Variants in MUC22 observed in about 807,000 individuals in gnomAD.
The protein encoded by MUC22 is mucin 22.
Under a neutral mutation model 40.3 loss-of-function variants are expected in MUC22, and 24 were observed. The ratio of observed to expected loss-of-function variants is 0.60; its 90% CI spans 0.43 to 0.84. The LOEUF is 0.84. Ranked by LOEUF, MUC22 falls within the 40% of genes least tolerant of loss-of-function variation. The pLI is 0.00. For missense variants in MUC22, 1,926 were observed against 2,130.7 expected, an observed-to-expected ratio of 0.90 and a Z score of 1.89; for synonymous variants, 765 against 844.5, an observed-to-expected ratio of 0.91 and a Z score of 1.63.
At chr6:31,024,698 G>T (rs1417477760) in intron 1 of MUC22, among the ~76,000 whole-genome samples, 1 of 152,106 alleles carries the variant, frequency 6.6e-6, no homozygotes, top group African/African-American at 2.4e-5. Flanking sequence ...AGAGATTATG[G>T]TTAGAAAAGG....
rs1311118044 is a variant in MUC22, at chr6:31,032,001, T to C, written c.4670-195T>C. ...GTGACACATTCTACCTCCTTCTCTG[T>C]ATGACACCCACCTGCATTCTGGGGA... On this transcript the variant is annotated intron_variant, in intron 2 of 3. Transcript: ENST00000561890. This position sits in a 1 kb window ranked among gnomAD's most constrained non-coding sequence, Gnocchi z 4.1. Among the ~76,000 whole-genome samples the C allele has an allele frequency of 6.6e-6, 1 of 152,156 alleles. No homozygotes were observed. The highest frequency in any genetic ancestry group is 1.5e-5 in the Non-Finnish European group (1 of 68,024).
chr6:31,007,102 C>T (rs1339170316), upstream of MUC22, among the ~76,000 whole-genome samples: 1 of 145,908 alleles, frequency 6.9e-6, no homozygotes, highest in East Asian at 1.9e-4. This position sits in a 1 kb window ranked among gnomAD's most constrained non-coding sequence, Gnocchi z 4.0. Context: ...ATTTCAATGT[C>T]TACATTTACA....
At chr6:31,020,066 G>GA (rs1382462332) in intron 1 of MUC22, among the ~76,000 whole-genome samples, 10 of 152,062 alleles carry the variant, frequency 6.6e-5, no homozygotes, top group Admixed American at 2.0e-4. Flanking sequence ...AATAGTAGCT[G>GA]AAAAAATTAA....
chr6:31,022,711 C>T (rs2150773656), intron 1 of MUC22, among the ~76,000 whole-genome samples: 1 of 152,166 alleles, frequency 6.6e-6, no homozygotes, highest in Admixed American at 6.5e-5. Flanking sequence ...CATGCCTTTA[C>T]AGGAAGAGGA....
rs201120895 is a variant in MUC22 at position 31,019,050 on chromosome 6, TCTC to T, written c.71-6448_71-6446del. Among the ~76,000 whole-genome samples, 764 of 152,360 alleles carry T rather than the reference TCTC, an allele frequency of 5.0e-3. 2 individuals are homozygous for T. The highest frequency in any genetic ancestry group is 8.5e-3 in the Non-Finnish European group (576 of 68,034). The stretch of plus-strand genomic sequence containing the variant: ...CAGTTTCACGTCTTTTGATCTGATT[TCTC>T]CTCTAAGAACTAAGTGCAGGTTTCC... On this transcript the variant is annotated intron_variant, in intron 1 of 3. Transcript: ENST00000561890.
chr6:31,024,652 G>A (rs1765126144), intron 1 of MUC22, among the ~76,000 whole-genome samples: 1 of 152,064 alleles, frequency 6.6e-6, no homozygotes, highest in Non-Finnish European at 1.5e-5. Context: ...TACACCTTTG[G>A]GTTATGTGTT....
chr6:31,021,820 C>T (rs942910126), intron 1 of MUC22, among the ~76,000 whole-genome samples: 5 of 152,106 alleles, frequency 3.3e-5, no homozygotes, highest in African/African-American at 7.2e-5. Flanking sequence ...GCAGGCTGCC[C>T]GAGCCAGCAG....
chr6:31,013,978 C>T (rs9380206), intron 1 of MUC22, among the ~76,000 whole-genome samples: 17,258 of 152,212 alleles, frequency 0.11, 1,272 homozygotes, highest in East Asian at 0.33. Flanking sequence ...CTCACATTCC[C>T]GCTCACAATT....
chr6:31,027,201 C>CG lies in MUC22; in HGVS notation c.1771dup (p.Val591GlyfsTer4). ...GCTCTGAGACAATCAGAGCCTCTAC[C>CG]GTAGGCTCTGAGACCACCACAGTCT... On this transcript the variant is annotated frameshift_variant, in exon 2 of 4. Coordinates refer to ENST00000561890, the Ensembl canonical transcript of MUC22. LOFTEE classifies it high-confidence loss of function. 1 of 1,487,434 alleles carries CG rather than the reference C, an allele frequency of 6.7e-7. No homozygotes were observed. Among genetic ancestry groups the CG allele is most frequent in the Non-Finnish European group, 9.0e-7 (1 of 1,117,248 alleles). 92.1% of individuals were successfully genotyped at this position (1,487,434 alleles called of 1,614,324 possible).
exon 2 of MUC22, chr6:31,028,631 C>A: frequency 2.0e-6 from 3 of 1,534,866 alleles, no homozygotes; most frequent in Non-Finnish European, 2.6e-6. Flanking sequence ...ACCACCATAG[C>A]CTCTACCACA....
chr6:31,026,180 C>A, exon 2 of MUC22: 2 of 1,523,674 alleles, frequency 1.3e-6, no homozygotes, highest in Non-Finnish European at 1.8e-6. Flanking sequence ...GTGATCACGG[C>A]ATCCAGCATG....
exon 4 of MUC22, chr6:31,034,841 G>C: frequency 6.5e-7 from 1 of 1,535,534 alleles, no homozygotes; most frequent in Non-Finnish European, 8.7e-7. Context: ...GGAACACACG[G>C]CTTTGGATAT....
chr6:31,010,555 C>G lies in MUC22; in HGVS notation c.-152C>G, dbSNP rs888698650. The G allele has an allele frequency of 1.6e-6, 1 of 616,992 alleles. No homozygotes were observed. Among genetic ancestry groups the G allele is most frequent in the Admixed American group, 2.6e-5 (1 of 39,208 alleles). 38.2% of individuals were successfully genotyped at this position (616,992 alleles called of 1,614,324 possible). A position where few individuals can be genotyped will look rare whatever the true frequency, so the allele number is the denominator to read the frequency against. ...CCATGCCATCTGCCTACAAGGCTTA[C>G]CCTGGCACTGGCTGGCCTTTGGGTC... On this transcript the variant is annotated 5_prime_UTR_variant, in exon 1 of 4. An upstream open reading frame in the 5' UTR gains an earlier in-frame stop. Transcript: ENST00000561890.
rs9281099 is a variant in MUC22 at position 31,011,202 on chromosome 6, G to GTT, written c.70+433_70+434dup. On this transcript the variant is annotated intron_variant, in intron 1 of 3. Coordinates refer to ENST00000561890, the Ensembl canonical transcript of MUC22. The surrounding 1 kb of genome is among the most constrained non-coding windows in gnomAD (Gnocchi z 4.5). ...AGTAAAAATCCTTCAATCCTTCTTTGTTTTTTTTCCATAGGTTATTTGGGT... is the reference window on the plus strand; with the variant it reads ...AGTAAAAATCCTTCAATCCTTCTTTGTTTTTTTTTTCCATAGGTTATTTGGGT... Among the ~76,000 whole-genome samples the GTT allele has an allele frequency of 2.6e-5, 4 of 151,186 alleles. No individual in the cohort carries two copies. The highest frequency in any genetic ancestry group is 2.1e-4 in the South Asian group (1 of 4,774).
rs1301208799 is a variant in MUC22 at position 31,011,289 on chromosome 6, T to C, written c.70+513T>C. ...GAATTGTGAGACTTTGGTGCACCCGTCACCAAGCAGTGTACACCGCACCCA... is the reference window on the plus strand; with the variant it reads ...GAATTGTGAGACTTTGGTGCACCCGCCACCAAGCAGTGTACACCGCACCCA... On this transcript the variant is annotated intron_variant, in intron 1 of 3. Coordinates refer to ENST00000561890, the Ensembl canonical transcript of MUC22. The surrounding 1 kb of genome is among the most constrained non-coding windows in gnomAD (Gnocchi z 4.5). Among the ~76,000 whole-genome samples, 1 of 152,058 alleles carries C rather than the reference T, an allele frequency of 6.6e-6. No individual in the cohort carries two copies. The highest frequency in any genetic ancestry group is 1.5e-5 in the Non-Finnish European group (1 of 68,000).
chr6:31,016,867 C>G (rs1032115415), intron 1 of MUC22, among the ~76,000 whole-genome samples: 1 of 152,160 alleles, frequency 6.6e-6, no homozygotes, highest in African/African-American at 2.4e-5. Flanking sequence ...GGCGTGGCCT[C>G]GGGGGGCCCC....
chr6:31,012,055 T>A (rs1458041224), intron 1 of MUC22, among the ~76,000 whole-genome samples: 3 of 152,140 alleles, frequency 2.0e-5, no homozygotes, highest in Non-Finnish European at 4.4e-5. Context: ...CAATGGGCTG[T>A]CTGAGATAGT....
Position 31,032,588 on chromosome 6 carries a change from A to G in MUC22, c.5055+7A>G. 1 of 1,528,838 alleles carries G rather than the reference A, an allele frequency of 6.5e-7. No homozygotes were observed. Among genetic ancestry groups the G allele is most frequent in the Non-Finnish European group, 8.8e-7 (1 of 1,142,798 alleles). 94.7% of individuals were successfully genotyped at this position (1,528,838 alleles called of 1,614,324 possible). On this transcript the variant is annotated splice_region_variant and intron_variant, in intron 3 of 3. Coordinates refer to ENST00000561890, the Ensembl canonical transcript of MUC22. This position sits in a 1 kb window ranked among gnomAD's most constrained non-coding sequence, Gnocchi z 4.1. ...AGGACTGAGTTTTTGTCTGGTGAGT[A>G]CCCAGGGTGGGTTCATAGGGGAGCC... is the stretch of plus-strand genomic sequence containing the variant.
intron 1 of MUC22, 116 bp downstream of exon 1, chr6:31,010,892 T>A (rs1276659268): frequency 2.1e-3 from 22 of 10,548 alleles, no homozygotes; most frequent in Non-Finnish European, 3.2e-3. Flanking sequence ...TGATGATTCA[T>A]TTTTTTTTTT....
Sources: gnomAD v4.1 joint callset for allele counts (sites outside exome capture counted in the v4.1 genomes callset) on GRCh38, gnomAD v4.1.1 for gene constraint, Gnocchi (gnomAD v3.1) non-coding constraint, MANE v1.5 for transcripts, NCBI Gene and HGNC (gene_info 2026-07-23, HGNC 2026-07-21) for gene names.